ZNF516: variants seen among roughly 807,000 people sequenced by gnomAD.
The protein encoded by ZNF516 is zinc finger protein 516.
In ZNF516, 19 loss-of-function variants were observed where a neutral mutation model predicts 79.7. That is an observed-to-expected ratio of 0.24 (90% confidence interval 0.17 to 0.35). The LOEUF is 0.35. ZNF516 is among the 10% of genes least tolerant of loss of function. The pLI is 1.00. For missense variants in ZNF516, 1,678 were observed against 1,679.5 expected (o/e 1.00, Z 0.02); for synonymous variants, 877 against 739.5 (o/e 1.19, Z -3.02).
chr18:76,388,417 C>A (rs543515005), intron 3 of ZNF516: 1 of 152,386 alleles, frequency 6.6e-6, no homozygotes, highest in African/African-American at 2.4e-5. Context: ...TGCTTGCTAC[C>A]CCTCCTGTAA....
chr18:76,401,976 C>G (rs1254476744), intron 3 of ZNF516, among the ~76,000 whole-genome samples: 2 of 152,024 alleles, frequency 1.3e-5, no homozygotes, highest in Non-Finnish European at 2.9e-5. Context: ...CATGTGCGTG[C>G]CTATGTGCAT....
intron 2 of ZNF516, among the ~76,000 whole-genome samples, chr18:76,445,240 G>A (rs1304473526): frequency 6.9e-6 from 1 of 144,690 alleles, no homozygotes; most frequent in African/African-American, 2.6e-5. Flanking sequence ...CTGGGTGACA[G>A]AGCAAGACTC....
intron 3 of ZNF516, among the ~76,000 whole-genome samples, chr18:76,382,389 A>C (rs556914202): frequency 1.4e-3 from 218 of 152,286 alleles, no homozygotes; most frequent in African/African-American, 5.0e-3. Context: ...GCAGGGAGAG[A>C]TCTAGTTTTC....
chr18:76,383,051 A>AAC, intron 3 of ZNF516, among the ~76,000 whole-genome samples: 1 of 151,520 alleles, frequency 6.6e-6, no homozygotes, highest in Non-Finnish European at 1.5e-5. Context: ...AAAAAAAAAA[A>AAC]AAAAAAAAGC....
chr18:76,378,082 T>C (rs929592635), intron 4 of ZNF516: 1 of 152,222 alleles, frequency 6.6e-6, no homozygotes, highest in African/African-American at 2.4e-5. Flanking sequence ...GACTCTGTTT[T>C]GTTTTGATTT....
intron 2 of ZNF516, among the ~76,000 whole-genome samples, chr18:76,447,600 A>C (rs1395391445): frequency 6.6e-6 from 1 of 152,222 alleles, no homozygotes; most frequent in East Asian, 1.9e-4. Context: ...AAGGTTCTGC[A>C]ACAACACAGA....
chr18:76,432,132 T>A (rs780868479), intron 3 of ZNF516, among the ~76,000 whole-genome samples: 2 of 152,230 alleles, frequency 1.3e-5, no homozygotes, highest in African/African-American at 4.8e-5. Context: ...TTGGGATCTA[T>A]CTAGAGATCC....
chr18:76,431,446 C>A (rs954708834), intron 3 of ZNF516, among the ~76,000 whole-genome samples: 5 of 152,218 alleles, frequency 3.3e-5, no homozygotes, highest in African/African-American at 1.2e-4. Flanking sequence ...GAAGTCAATC[C>A]TGAAAGCAGC....
chr18:76,378,390 T>A (rs532321858), intron 4 of ZNF516: 4 of 154,098 alleles, frequency 2.6e-5, no homozygotes, highest in Admixed American at 2.0e-4. Flanking sequence ...GGTGTTTTTT[T>A]AATTACAGAT....
chr18:76,397,365 CA>C (rs201084742), intron 3 of ZNF516, among the ~76,000 whole-genome samples: 2 of 147,216 alleles, frequency 1.4e-5, no homozygotes, highest in Non-Finnish European at 3.0e-5. Context: ...ATGTGAACTA[CA>C]AAAAAAAAGA....
At chr18:76,399,675 G>C (rs1247226185) in intron 3 of ZNF516, among the ~76,000 whole-genome samples, 1 of 152,180 alleles carries the variant, frequency 6.6e-6, no homozygotes, top group African/African-American at 2.4e-5. Flanking sequence ...GTTGTCTTCT[G>C]TCACCTCTAG....
chr18:76,388,042 T>C (rs1169010628), intron 3 of ZNF516: 2 of 152,140 alleles, frequency 1.3e-5, no homozygotes, highest in Non-Finnish European at 2.9e-5. Flanking sequence ...GAGAGGAGTA[T>C]GGCTGCGGAC....
In ZNF516 at chr18:76,360,649, ATATATATATATAT is replaced by A. The variant is rs1568223997; in HGVS notation, c.*1836_*1848del. On this transcript the variant is annotated 3_prime_UTR_variant, in exon 7 of 7. Coordinates refer to ENST00000443185, the MANE Select transcript of ZNF516 (RefSeq NM_014643.4). The stretch of plus-strand genomic sequence containing the variant: ...AAAATAAGTAAAAAAAAAAAAAAAT[ATATATATATATAT>A]ATATATATATATATATAAGCTAGCC... 1 of 94,436 alleles carries A rather than the reference ATATATATATATAT, an allele frequency of 1.1e-5. No homozygotes were observed. The highest frequency in any genetic ancestry group is 2.2e-5 in the Non-Finnish European group (1 of 45,738). The allele number at this position is 94,436 out of a possible 1,614,324, so 5.8% of individuals were successfully genotyped here.
At chr18:76,480,026 C>T (rs1460775881) in intron 1 of ZNF516, among the ~76,000 whole-genome samples, 1 of 152,058 alleles carries the variant, frequency 6.6e-6, no homozygotes, top group Non-Finnish European at 1.5e-5. Flanking sequence ...CTAACTCAAC[C>T]CTGGCACCAG....
chr18:76,414,538 ACTG>A (rs1164533692), intron 3 of ZNF516, among the ~76,000 whole-genome samples: 1 of 152,192 alleles, frequency 6.6e-6, no homozygotes, highest in Non-Finnish European at 1.5e-5. Context: ...TAAACCACAA[ACTG>A]CTATTTGAAT....
In ZNF516 at chr18:76,443,137, G is replaced by T. The variant is rs1176262711; in HGVS notation, c.-83C>A. 1.4e-6 allele frequency: 2 copies of T among 1,473,208 alleles called. No individual in the cohort carries two copies. Among genetic ancestry groups the T allele is most frequent in the Non-Finnish European group, 1.8e-6 (2 of 1,119,190 alleles). 91.3% of individuals were successfully genotyped at this position (1,473,208 alleles called of 1,614,324 possible). A position where few individuals can be genotyped will look rare whatever the true frequency, so the allele number is the denominator to read the frequency against. ...GGACCGTCCTATCTCTCCATGGTCA[G>T]AAGAGCCAAAAGACGTGCCTGCTCC... On this transcript the variant is annotated 5_prime_UTR_variant, in exon 3 of 7. It adds an upstream start codon to the 5' untranslated region. Transcript: ENST00000443185.
At chr18:76,461,053 A>G (rs1913073572) in intron 2 of ZNF516, among the ~76,000 whole-genome samples, 1 of 152,134 alleles carries the variant, frequency 6.6e-6, no homozygotes, top group Non-Finnish European at 1.5e-5. Context: ...GTGGTGGCGC[A>G]TGCCTGTAAT....
chr18:76,488,141 C>T lies in ZNF516; in HGVS notation c.-272+7003G>A, dbSNP rs908572159. The T allele has an allele frequency of 1.5e-5, 15 of 985,288 alleles. No individual in the cohort carries two copies. The Admixed American group carries it at 2.5e-4, about 16-fold the overall frequency. The allele number at this position is 985,288 out of a possible 1,614,324, so 61.0% of individuals were successfully genotyped here. On this transcript the variant is annotated intron_variant, in intron 1 of 6. Transcript: ENST00000443185. Reference sequence around the variant, plus strand: ...GTATTCCAACCATCACCCACTCAGACCCCACAACGGATGCACAGCCTGACA... The same window carrying T: ...GTATTCCAACCATCACCCACTCAGATCCCACAACGGATGCACAGCCTGACA...
chr18:76,428,956 G>C (rs1202638395), intron 3 of ZNF516, among the ~76,000 whole-genome samples: 1 of 152,042 alleles, frequency 6.6e-6, no homozygotes, highest in Non-Finnish European at 1.5e-5. Context: ...TAGCCCTGAA[G>C]CCCACGCAGA....
Sources: gnomAD v4.1 joint callset for allele counts (sites outside exome capture counted in the v4.1 genomes callset) on GRCh38, gnomAD v4.1.1 for gene constraint, MANE v1.5 for transcripts, NCBI Gene and HGNC (gene_info 2026-07-23, HGNC 2026-07-21) for gene names.